SPIN1: variants seen among roughly 807,000 people sequenced by gnomAD.
The protein encoded by SPIN1 is spindlin 1, also known as spindlin-1.
A neutral mutation model predicts 26.0 loss-of-function variants in SPIN1; 3 were observed. The ratio of observed to expected loss-of-function variants is 0.12; its 90% CI spans 0.05 to 0.30. The LOEUF is 0.30. SPIN1 is among the 10% of genes least tolerant of loss of function. SPIN1 has a pLI of 1.00. For synonymous variants in SPIN1, 101 were observed against 116.5 expected (o/e 0.87, Z 0.86); for missense variants, 126 against 333.4 (o/e 0.38, Z 4.84).
At chr9:88,422,183 T>C (rs187766278) in intron 1 of SPIN1, among the ~76,000 whole-genome samples, 253 of 152,322 alleles carry the variant, frequency 1.7e-3, no homozygotes, top group Non-Finnish European at 2.6e-3. Context: ...TAGCAACTAT[T>C]GATGGGTCTC....
chr9:88,410,090 TC>T (rs1827404368), intron 1 of SPIN1, among the ~76,000 whole-genome samples: 2 of 152,108 alleles, frequency 1.3e-5, no homozygotes, highest in Admixed American at 6.6e-5. Context: ...ATGTAGGGTG[TC>T]CCTCTTTAGA....
chr9:88,401,254 AG>A (rs1302370648), intron 1 of SPIN1, among the ~76,000 whole-genome samples: 3 of 152,230 alleles, frequency 2.0e-5, no homozygotes, highest in African/African-American at 7.2e-5. Flanking sequence ...TTTGTGATCG[AG>A]AAAAATTAGA....
chr9:88,433,675 T>A (rs189622747), intron 2 of SPIN1, among the ~76,000 whole-genome samples: 3 of 152,322 alleles, frequency 2.0e-5, no homozygotes, highest in Admixed American at 2.0e-4. Flanking sequence ...TTCTTATTTC[T>A]CTTTTAAGTT....
rs376615984 is a variant in SPIN1 at position 88,413,334 on chromosome 9, A to G, written c.-158-13048A>G. On this transcript the variant is annotated intron_variant, in intron 1 of 5. Transcript: ENST00000375859. Reference sequence around the variant, plus strand: ...TGGCCTCCTAAAGTGTTGGCCTCCTAAAGTGTTGGGATTACAGGTGTGAGC... The same window carrying G: ...TGGCCTCCTAAAGTGTTGGCCTCCTGAAGTGTTGGGATTACAGGTGTGAGC... Among the ~76,000 whole-genome samples the G allele has an allele frequency of 1.6e-4, 24 of 151,654 alleles. No homozygotes were observed. In the East Asian group the frequency reaches 4.1e-3, roughly 26 times the overall value.
chr9:88,441,555 C>T (rs973718153), intron 2 of SPIN1, among the ~76,000 whole-genome samples: 7 of 151,710 alleles, frequency 4.6e-5, no homozygotes, highest in South Asian at 2.1e-4. Flanking sequence ...CCCAGGAGTT[C>T]GAGACCAGTC....
intron 2 of SPIN1, among the ~76,000 whole-genome samples, chr9:88,430,269 C>G (rs1312687728): frequency 1.3e-5 from 2 of 152,202 alleles, no homozygotes; most frequent in Non-Finnish European, 2.9e-5. Context: ...CTTAAATAGC[C>G]TGGAGCTTTA....
Position 88,477,859 on chromosome 9 carries a change from T to C in SPIN1, c.*2582T>C, listed in dbSNP as rs1828915218. Reference sequence around the variant, plus strand: ...GTATTGTGTGTGCGTGCGTGTGTGATGTCAGGCTGCCACGTAAAACTTCAG... The same window carrying C: ...GTATTGTGTGTGCGTGCGTGTGTGACGTCAGGCTGCCACGTAAAACTTCAG... On this transcript the variant is annotated 3_prime_UTR_variant, in exon 6 of 6. Coordinates refer to ENST00000375859, the MANE Select transcript of SPIN1 (RefSeq NM_006717.3). The C allele has an allele frequency of 6.6e-6, 1 of 152,258 alleles. No individual in the cohort carries two copies. Among genetic ancestry groups the C allele is most frequent in the Non-Finnish European group, 1.5e-5 (1 of 68,042 alleles). The allele number at this position is 152,258 out of a possible 1,614,324, so 9.4% of individuals were successfully genotyped here.
chr9:88,389,383 T>C (rs1228646936), intron 1 of SPIN1: 2 of 152,284 alleles, frequency 1.3e-5, no homozygotes, highest in Admixed American at 1.3e-4. Flanking sequence ...TTTTATTGCA[T>C]TGATTGTGCG....
In SPIN1 at chr9:88,475,318, T is replaced by C. The variant is rs369576539; in HGVS notation, c.*41T>C. ...CTGCCAAATTTGTGGAACTATGAAA[T>C]GTATTATTTGTAGACATAAAGACTT... On this transcript the variant is annotated 3_prime_UTR_variant, in exon 6 of 6. Coordinates refer to ENST00000375859, the MANE Select transcript of SPIN1 (RefSeq NM_006717.3). The C allele has an allele frequency of 4.5e-5, 72 of 1,583,464 alleles. No individual in the cohort carries two copies. The highest frequency in any genetic ancestry group is 5.9e-5 in the Non-Finnish European group (68 of 1,156,398).
At chr9:88,417,602 A>G (rs763115417) in intron 1 of SPIN1, among the ~76,000 whole-genome samples, 8 of 151,998 alleles carry the variant, frequency 5.3e-5, no homozygotes, top group Non-Finnish European at 1.0e-4. Flanking sequence ...CCTCCCCTGT[A>G]GCTGGGACTA....
At chr9:88,418,694 C>T (rs1390387481) in intron 1 of SPIN1, 4 of 152,118 alleles carry the variant, frequency 2.6e-5, no homozygotes, top group African/African-American at 4.8e-5. Context: ...CATGTTTTAG[C>T]CTTTTTGGAG....
chr9:88,410,910 C>T, intron 1 of SPIN1: 2 of 1,036,348 alleles, frequency 1.9e-6, no homozygotes, highest in Non-Finnish European at 3.0e-6. Flanking sequence ...CTAGCCATCT[C>T]TTGCTTTGAC....
chr9:88,441,576 A>G (rs573371889), intron 2 of SPIN1, among the ~76,000 whole-genome samples: 1 of 151,834 alleles, frequency 6.6e-6, no homozygotes, highest in South Asian at 2.1e-4. Context: ...TGGGCAATGT[A>G]GTGAGACCCC....
intron 1 of SPIN1, among the ~76,000 whole-genome samples, chr9:88,390,932 G>A (rs990588699): frequency 6.6e-6 from 1 of 152,122 alleles, no homozygotes; most frequent in African/African-American, 2.4e-5. Context: ...TGCAAAAACA[G>A]CACATTGAAG....
chr9:88,439,784 A>T (rs1360475018), intron 2 of SPIN1, among the ~76,000 whole-genome samples: 1 of 152,184 alleles, frequency 6.6e-6, no homozygotes, highest in Non-Finnish European at 1.5e-5. Context: ...TTTTTCTAAA[A>T]TTCATATAGC....
chr9:88,473,163 C>T (rs376375185), intron 5 of SPIN1, among the ~76,000 whole-genome samples: 334 of 152,116 alleles, frequency 2.2e-3, no homozygotes, highest in Middle Eastern at 0.014. Flanking sequence ...GAGGCCGAGG[C>T]GGGCGGATCA....
chr9:88,412,635 T>A (rs1462080828), intron 1 of SPIN1, among the ~76,000 whole-genome samples: 2 of 152,128 alleles, frequency 1.3e-5, no homozygotes, highest in East Asian at 3.8e-4. Flanking sequence ...ATTTAAGTTA[T>A]ACAAATATTA....
chr9:88,458,714 A>G (rs772281495), intron 3 of SPIN1, among the ~76,000 whole-genome samples: 3 of 152,184 alleles, frequency 2.0e-5, no homozygotes, highest in Non-Finnish European at 4.4e-5. Flanking sequence ...GAAGATTTAT[A>G]TTAAGGAATT....
intron 2 of SPIN1, among the ~76,000 whole-genome samples, chr9:88,447,161 C>G (rs888620595): frequency 6.6e-6 from 1 of 152,102 alleles, no homozygotes; most frequent in African/African-American, 2.4e-5. Context: ...GTGTCAAGGT[C>G]ACTGCTCTTT....
Sources: allele counts gnomAD v4.1 joint callset (sites outside exome capture counted in the v4.1 genomes callset), GRCh38; gene constraint gnomAD v4.1.1; transcripts MANE v1.5; gene names NCBI Gene and HGNC (gene_info 2026-07-23, HGNC 2026-07-21).